RAP1GAP2: variants seen among roughly 807,000 people sequenced by gnomAD.
RAP1GAP2 encodes the protein rap1 GTPase-activating protein 2.
A neutral mutation model predicts 95.0 loss-of-function variants in RAP1GAP2; 27 were observed. That is an observed-to-expected ratio of 0.28 (90% CI 0.21 to 0.39). The LOEUF (loss-of-function observed/expected upper bound fraction) is 0.39. Ranked by LOEUF, RAP1GAP2 falls within the 10% of genes least tolerant of loss-of-function variation. The pLI, the probability that RAP1GAP2 is intolerant of heterozygous loss-of-function variation, is 1.00. For missense variants in RAP1GAP2, 771 were observed against 970.0 expected, an observed-to-expected ratio of 0.79 and a Z score of 2.72; for synonymous variants, 373 against 380.9, an observed-to-expected ratio of 0.98 and a Z score of 0.24.
chr17:2,862,195 C>G (rs1003365872), intron 2 of RAP1GAP2, among the ~76,000 whole-genome samples: 2 of 152,188 alleles, frequency 1.3e-5, no homozygotes, highest in Non-Finnish European at 2.9e-5. Context: ...CAGGGCTCTT[C>G]TTGACACTGC....
intron 2 of RAP1GAP2, among the ~76,000 whole-genome samples, chr17:2,873,901 T>TACAG (rs1379068287): frequency 6.6e-6 from 1 of 151,894 alleles, no homozygotes; most frequent in Admixed American, 6.6e-5. Context: ...TAGCTGGGAT[T>TACAG]ACAGGCATGC....
At chr17:2,999,168 C>G (rs183733895) in intron 14 of RAP1GAP2, among the ~76,000 whole-genome samples, 118 of 152,326 alleles carry the variant, frequency 7.7e-4, no homozygotes, top group African/African-American at 2.7e-3. Context: ...CAGCTCATTG[C>G]CCCTGCAGTC....
At chr17:2,907,867 C>T (rs756667577) in intron 3 of RAP1GAP2, among the ~76,000 whole-genome samples, 11 of 152,080 alleles carry the variant, frequency 7.2e-5, no homozygotes, top group Non-Finnish European at 1.5e-4. Context: ...AGTGCAGTGG[C>T]GCGATCTTGG....
chr17:2,830,751 T>G (rs1054993136), intron 2 of RAP1GAP2, among the ~76,000 whole-genome samples: 5 of 151,948 alleles, frequency 3.3e-5, no homozygotes, highest in African/African-American at 1.2e-4. Context: ...AAAAAAAAGA[T>G]TTTGAACAGT....
chr17:2,881,694 G>A (rs1224599794), intron 2 of RAP1GAP2, among the ~76,000 whole-genome samples: 2 of 152,118 alleles, frequency 1.3e-5, no homozygotes, highest in African/African-American at 4.8e-5. Flanking sequence ...TTTTTGAGGA[G>A]CGTCCACACT....
At chr17:2,992,372 G>A (rs1181702038) in intron 12 of RAP1GAP2, among the ~76,000 whole-genome samples, 1 of 151,936 alleles carries the variant, frequency 6.6e-6, no homozygotes, top group African/African-American at 2.4e-5. Context: ...ATGCTAGCCA[G>A]GATGGTCTCG....
At chr17:2,860,804 C>A (rs1309224095) in intron 2 of RAP1GAP2, among the ~76,000 whole-genome samples, 1 of 151,794 alleles carries the variant, frequency 6.6e-6, no homozygotes. Context: ...TGGGGTTTCA[C>A]CATGTTGGCC....
intron 1 of RAP1GAP2, among the ~76,000 whole-genome samples, chr17:2,761,872 C>T (rs990419084): frequency 6.6e-6 from 1 of 151,986 alleles, no homozygotes; most frequent in African/African-American, 2.4e-5. Flanking sequence ...TGCTTATAGC[C>T]ATCCTAGTGA....
At chr17:2,900,443 AT>A (rs2041989488) in intron 2 of RAP1GAP2, among the ~76,000 whole-genome samples, 1 of 151,994 alleles carries the variant, frequency 6.6e-6, no homozygotes, top group African/African-American at 2.4e-5. Context: ...TTTTAAATTA[AT>A]TAATTCATTT....
At chr17:2,896,968 T>C (rs890719480) in intron 2 of RAP1GAP2, among the ~76,000 whole-genome samples, 2 of 152,186 alleles carry the variant, frequency 1.3e-5, no homozygotes, top group African/African-American at 4.8e-5. Context: ...CTGTCTGCTC[T>C]ATGCAGGGGA....
chr17:2,774,732 A>G (rs1329991258), upstream of RAP1GAP2, among the ~76,000 whole-genome samples: 1 of 151,542 alleles, frequency 6.6e-6, no homozygotes, highest in African/African-American at 2.4e-5. Flanking sequence ...TGGCCTCCCA[A>G]AGTGCTGGGA....
At chr17:2,957,184 A>G (rs1221792765) in intron 3 of RAP1GAP2, among the ~76,000 whole-genome samples, 1 of 151,710 alleles carries the variant, frequency 6.6e-6, no homozygotes, top group East Asian at 1.9e-4. Context: ...CCTCGGTTCA[A>G]TGGTGTTCAG....
chr17:2,949,681 C>T (rs1156561173), intron 3 of RAP1GAP2, among the ~76,000 whole-genome samples: 5 of 25,350 alleles, frequency 2.0e-4, no homozygotes, highest in Non-Finnish European at 2.4e-3. Flanking sequence ...GTGCCCTGAG[C>T]GTTAACTGAG....
intron 8 of RAP1GAP2, among the ~76,000 whole-genome samples, chr17:2,979,050 G>A (rs7224684): frequency 0.24 from 36,773 of 151,954 alleles, 4,727 homozygotes; most frequent in African/African-American, 0.33. Context: ...GAAGTAAGTG[G>A]AGTTTTTACC....
chr17:2,963,129 TA>T lies in RAP1GAP2; in HGVS notation c.247-300del. 1.8e-6 allele frequency: 1 copy of T among 552,302 alleles called. No individual in the cohort carries two copies. Among genetic ancestry groups the T allele is most frequent in the Non-Finnish European group, 3.2e-6 (1 of 309,750 alleles). 34.2% of individuals were successfully genotyped at this position (552,302 alleles called of 1,614,324 possible). A position where few individuals can be genotyped will look rare whatever the true frequency, so the allele number is the denominator to read the frequency against. On this transcript the variant is annotated intron_variant, in intron 5 of 24. Coordinates refer to ENST00000254695, the MANE Select transcript of RAP1GAP2 (RefSeq NM_015085.5). This position sits in a 1 kb window ranked among gnomAD's most constrained non-coding sequence, Gnocchi z 4.8. ...CCTGGAAAGGGGTGCTGGGGGAGACTAGGGGTCATTTTCCGGAATGAGCGTT... is the reference window on the plus strand; with the variant it reads ...CCTGGAAAGGGGTGCTGGGGGAGACTGGGGTCATTTTCCGGAATGAGCGTT...
intron 2 of RAP1GAP2, among the ~76,000 whole-genome samples, chr17:2,868,607 T>C (rs1165530653): frequency 2.0e-5 from 3 of 147,730 alleles, no homozygotes; most frequent in South Asian, 2.2e-4. Flanking sequence ...AAGCTCCACC[T>C]CCCAGGTTCA....
chr17:2,954,260 A>T (rs1365776237), intron 3 of RAP1GAP2, among the ~76,000 whole-genome samples: 2 of 151,836 alleles, frequency 1.3e-5, no homozygotes, highest in South Asian at 4.2e-4. Context: ...GCCCGCCACC[A>T]TGCCCAGCTA....
intron 8 of RAP1GAP2, among the ~76,000 whole-genome samples, chr17:2,970,893 G>T (rs747977158): frequency 1.5e-4 from 23 of 152,010 alleles, no homozygotes; most frequent in Non-Finnish European, 2.9e-4. Flanking sequence ...AAATTAGCTG[G>T]GTGAAGTGGC....
At chr17:2,995,162 T>C (rs143975990) in intron 12 of RAP1GAP2, among the ~76,000 whole-genome samples, 175 bp from the exon 13 acceptor site, 2 of 152,270 alleles carry the variant, frequency 1.3e-5, no homozygotes, top group African/African-American at 4.8e-5. Context: ...AGCGCTGATA[T>C]ACCTGGAAGA....
Sources: allele counts gnomAD v4.1 joint callset (sites outside exome capture counted in the v4.1 genomes callset), GRCh38; gene constraint gnomAD v4.1.1; non-coding constraint Gnocchi (gnomAD v3.1); transcripts MANE v1.5; gene names NCBI Gene and HGNC (gene_info 2026-07-23, HGNC 2026-07-21).